The following RSPH14 variants were observed in gnomAD, a reference collection of about 807,000 sequenced individuals.
RSPH14 encodes radial spoke head 14 homolog.
A neutral mutation model predicts 26.7 loss-of-function variants in RSPH14; 20 were observed. That is an observed-to-expected ratio of 0.75 (90% CI 0.53 to 1.09). RSPH14 has a LOEUF of 1.09. Ranked by LOEUF, RSPH14 falls within the 50% of genes least tolerant of loss-of-function variation. The probability of loss-of-function intolerance (pLI) is 0.00; values close to 1 mark genes in which losing one functional copy is unlikely to be tolerated. For synonymous variants in RSPH14, 177 were observed against 189.3 expected (o/e 0.93, Z 0.53); for missense variants, 449 against 457.2 (o/e 0.98, Z 0.16).
chr22:23,162,982 G>T, the RSPH14 span: 1 of 327,034 alleles, frequency 3.1e-6, no homozygotes, highest in South Asian at 2.5e-5. Flanking sequence ...CGTAATCTCG[G>T]CTCAGTGCAA....
intron 4 of RSPH14, among the ~76,000 whole-genome samples, chr22:23,093,065 G>C (rs1424446927): frequency 1.3e-5 from 2 of 152,198 alleles, no homozygotes; most frequent in African/African-American, 4.8e-5. Context: ...GCAGCCACAG[G>C]GTCTCCATCC....
intron 4 of RSPH14, among the ~76,000 whole-genome samples, chr22:23,118,256 G>A (rs117327666): frequency 0.028 from 4,256 of 152,302 alleles, 92 homozygotes; most frequent in Non-Finnish European, 0.04. Flanking sequence ...ACCATTCCCC[G>A]ACGCCAAGCA....
At chr22:23,151,374 G>A in the RSPH14 span, among the ~76,000 whole-genome samples, 1 of 152,160 alleles carries the variant, frequency 6.6e-6, no homozygotes, top group Non-Finnish European at 1.5e-5. Flanking sequence ...TAGGAGAAAT[G>A]GAGTCAGAAC....
intron 4 of RSPH14, among the ~76,000 whole-genome samples, chr22:23,093,559 A>AG (rs1310924272): frequency 6.6e-6 from 1 of 152,196 alleles, no homozygotes; most frequent in Admixed American, 6.5e-5. Flanking sequence ...GGTGACGCTC[A>AG]CAGCGACAAG....
At chr22:23,077,662 T>C (rs1026041620) in intron 4 of RSPH14, among the ~76,000 whole-genome samples, 17 of 152,096 alleles carry the variant, frequency 1.1e-4, no homozygotes, top group African/African-American at 3.6e-4. Context: ...TACCAGGCTC[T>C]GTGTTTGTGG....
chr22:23,159,962 C>T, the RSPH14 span, among the ~76,000 whole-genome samples: 1 of 152,152 alleles, frequency 6.6e-6, no homozygotes, highest in South Asian at 2.1e-4. Context: ...GGTGTATTTA[C>T]TGAGGAAAAC....
chr22:23,084,877 G>A (rs534596943), intron 4 of RSPH14, among the ~76,000 whole-genome samples: 19 of 152,310 alleles, frequency 1.2e-4, no homozygotes, highest in African/African-American at 3.8e-4. Flanking sequence ...CACTGTCTGC[G>A]GTTTTGTGGT....
chr22:23,162,596 A>G, the RSPH14 span: 1 of 454,724 alleles, frequency 2.2e-6, no homozygotes, highest in Middle Eastern at 3.3e-4. Flanking sequence ...AATACCCCAC[A>G]CATTCCCCAG....
At chr22:23,142,106 C>T (rs140789698), upstream of RSPH14, 2,688 of 878,016 alleles carry the variant, frequency 3.1e-3, 71 homozygotes, top group Non-Finnish European at 2.1e-3. Context: ...CCCAAGGCTG[C>T]GGCCGGCTGC....
chr22:23,172,097 A>C, the RSPH14 span, among the ~76,000 whole-genome samples: 2 of 152,232 alleles, frequency 1.3e-5, no homozygotes, highest in East Asian at 3.8e-4. Flanking sequence ...GGAATCATAC[A>C]ATATGTGGCT....
intron 3 of RSPH14, among the ~76,000 whole-genome samples, chr22:23,134,771 C>T (rs1232961890): frequency 6.6e-6 from 1 of 152,018 alleles, no homozygotes; most frequent in East Asian, 1.9e-4. Flanking sequence ...AAGGCTGAGG[C>T]ACAAGATCAC....
chr22:23,086,219 G>A (rs1192383711), intron 4 of RSPH14, among the ~76,000 whole-genome samples: 1 of 152,246 alleles, frequency 6.6e-6, no homozygotes, highest in Non-Finnish European at 1.5e-5. Context: ...GGCCAGGTTA[G>A]GCAGGCTGCA....
At chr22:23,174,520 C>T in the RSPH14 span, among the ~76,000 whole-genome samples, 1 of 152,232 alleles carries the variant, frequency 6.6e-6, no homozygotes, top group Non-Finnish European at 1.5e-5. Context: ...ATTTTAGTTT[C>T]GAGATTTAAA....
At chr22:23,129,590 G>A (rs1182481304) in intron 4 of RSPH14, among the ~76,000 whole-genome samples, 1 of 151,626 alleles carries the variant, frequency 6.6e-6, no homozygotes, top group Non-Finnish European at 1.5e-5. Context: ...AAGGCCAGAG[G>A]GAAAAAAAAT....
chr22:23,117,386 G>A (rs1247063253), intron 4 of RSPH14, among the ~76,000 whole-genome samples: 2 of 152,232 alleles, frequency 1.3e-5, no homozygotes, highest in Non-Finnish European at 2.9e-5. Flanking sequence ...CTCCCAAAGA[G>A]CCAGGCTGAC....
the RSPH14 span, among the ~76,000 whole-genome samples, chr22:23,174,221 G>A: frequency 6.6e-6 from 1 of 150,508 alleles, no homozygotes; most frequent in African/African-American, 2.5e-5. Flanking sequence ...GTGTGTGACG[G>A]TGTGTGTGTG....
rs549018421 is a variant in RSPH14, at chr22:23,065,326, C to T, written c.422-1193G>A. On this transcript the variant is annotated intron_variant, in intron 4 of 6. Coordinates refer to ENST00000216036, the MANE Select transcript of RSPH14 (RefSeq NM_014433.3). ...TGGCTCTTACCGCCCCCCACCATGT[C>T]TCATAATGTCCAGCAGCTCTCCATG... Among the ~76,000 whole-genome samples, 5 of 152,050 alleles carry T rather than the reference C, an allele frequency of 3.3e-5. No individual in the cohort carries two copies. The East Asian group carries it at 9.7e-4, about 30-fold the overall frequency.
chr22:23,124,617 T>G (rs535987574), intron 4 of RSPH14: 3 of 218,562 alleles, frequency 1.4e-5, no homozygotes, highest in South Asian at 1.4e-4. Context: ...TTTGTGGCTT[T>G]GCTGAGTGAA....
At chr22:23,072,269 G>A (rs1311915533) in intron 4 of RSPH14, among the ~76,000 whole-genome samples, 3 of 152,106 alleles carry the variant, frequency 2.0e-5, no homozygotes, top group Non-Finnish European at 2.9e-5. Context: ...AGCAGTAATC[G>A]TGGCAGCCTG....
Sources: gnomAD v4.1 joint callset for allele counts (sites outside exome capture counted in the v4.1 genomes callset) on GRCh38, gnomAD v4.1.1 for gene constraint, MANE v1.5 for transcripts, NCBI Gene and HGNC (gene_info 2026-07-23, HGNC 2026-07-21) for gene names.